IFT46: variants seen among roughly 807,000 people sequenced by gnomAD.
The protein encoded by IFT46 is intraflagellar transport protein 46 homolog.
Under a neutral mutation model 39.6 loss-of-function variants are expected in IFT46, and 19 were observed. The observed-to-expected ratio is 0.48, with a 90% confidence interval of 0.33 to 0.70. The LOEUF is 0.70. IFT46 is among the 30% of genes least tolerant of loss of function. The pLI is 0.01. For synonymous variants in IFT46, 117 were observed against 134.8 expected, an observed-to-expected ratio of 0.87 and a Z score of 0.91; for missense variants, 334 against 364.8, an observed-to-expected ratio of 0.92 and a Z score of 0.69.
Position 118,545,482 on chromosome 11 carries a change from A to T in IFT46, c.746T>A (p.Ile249Asn). Residue 249 changes from isoleucine (I) to asparagine (N), a missense_variant, in exon 11 of 12, where the codon ATC (isoleucine) becomes AAC (asparagine). Transcript: ENST00000264021. ...CTGGATCCGACTCTTGTAGACAGGGATGTCTAGAATGGCTGAAACGAAGAA... is the reference window on the plus strand; with the variant it reads ...CTGGATCCGACTCTTGTAGACAGGGTTGTCTAGAATGGCTGAAACGAAGAA... ...YIDMICAILD[I>N]PVYKSRIQSL... is the part of the protein sequence containing the mutation. 6.2e-7 allele frequency: 1 copy of T among 1,612,060 alleles called. No individual in the cohort carries two copies. The highest frequency in any genetic ancestry group is 8.5e-7 in the Non-Finnish European group (1 of 1,178,288).
At position 118,544,962 on chromosome 11, in the gene IFT46, T is replaced by C. The variant is rs376402259; in HGVS notation, c.869A>G (p.Asn290Ser). The C allele has an allele frequency of 6.1e-5, 98 of 1,613,770 alleles. No individual in the cohort carries two copies. Among genetic ancestry groups the C allele is most frequent in the Non-Finnish European group, 7.7e-5 (91 of 1,179,922 alleles). The change falls in exon 12 of 12, where the codon AAT becomes AGT. Residue 290 changes from asparagine to serine, a missense_variant. Physicochemically the swap from Asn to Ser is conservative, Grantham distance 46 (BLOSUM62 1). Coordinates refer to ENST00000264021, the MANE Select transcript of IFT46 (RefSeq NM_001168618.2). Reference protein sequence around the residue: ...EGKKAFTPSSNSTSQAGDMET... With the variant: ...EGKKAFTPSSSSTSQAGDMET... ...CATGTCTCCAGCTTGGGAGGTGGAATTGGATGAAGGAGTGAATGCTTTCTT... is the reference window on the plus strand; with the variant it reads ...CATGTCTCCAGCTTGGGAGGTGGAACTGGATGAAGGAGTGAATGCTTTCTT...
intron 3 of IFT46, 117 bp from the exon 4 acceptor site, chr11:118,557,162 A>G (rs1937869098): frequency 1.1e-6 from 1 of 943,878 alleles, no homozygotes; most frequent in Non-Finnish European, 1.5e-6. Flanking sequence ...GTCACCAGAA[A>G]GAGAAGGGGG....
At chr11:118,569,437 GT>G (rs1175201098), upstream of IFT46, among the ~76,000 whole-genome samples, 1 of 151,558 alleles carries the variant, frequency 6.6e-6, no homozygotes, top group African/African-American at 2.4e-5. Context: ...CTCTAAAAAA[GT>G]TTTTTTAATG....
upstream of IFT46, among the ~76,000 whole-genome samples, chr11:118,576,332 A>T (rs1176919711): frequency 6.7e-6 from 1 of 149,128 alleles, no homozygotes; most frequent in Non-Finnish European, 1.5e-5. Context: ...TGGAGAGATC[A>T]TCTAACTTAT....
In IFT46 at chr11:118,571,724, A is replaced by G. The variant is rs150490692; in HGVS notation, c.-133+872T>C. Among the ~76,000 whole-genome samples the G allele has an allele frequency of 9.2e-4, 139 of 151,900 alleles. 4 individuals carry two copies. The East Asian group carries it at 0.012, about 13-fold the overall frequency. ...TGCTCATTTTAATTTTGTGTTTTCT[A>G]CTCCCTCCATTTTGCAGATGAAGCC... On this transcript the variant is annotated intron_variant, in intron 1 of 5. Transcript: ENST00000528378.
upstream of IFT46, among the ~76,000 whole-genome samples, chr11:118,570,882 A>G (rs889488695): frequency 1.3e-5 from 2 of 152,134 alleles, no homozygotes; most frequent in Non-Finnish European, 2.9e-5. Context: ...AGTGGTTTTT[A>G]GTATATTTGC....
intron 1 of IFT46, among the ~76,000 whole-genome samples, chr11:118,571,964 C>A (rs1486973139): frequency 6.6e-6 from 1 of 151,852 alleles, no homozygotes; most frequent in Non-Finnish European, 1.5e-5. Flanking sequence ...GTGGCGCGTG[C>A]CTGTAATCCC....
rs987846410 is a variant in IFT46, at chr11:118,544,799, T to C, written c.*117A>G. 8.6e-5 allele frequency: 62 copies of C among 721,940 alleles called. No individual in the cohort carries two copies. The highest frequency in any genetic ancestry group is 1.4e-4 in the Non-Finnish European group (57 of 406,470). 44.7% of individuals were successfully genotyped at this position (721,940 alleles called of 1,614,324 possible). A position where few individuals can be genotyped will look rare whatever the true frequency, so the allele number is the denominator to read the frequency against. The stretch of plus-strand genomic sequence containing the variant: ...GCAGAGAGGGCAGCAGGACATGCAC[T>C]GCCCCTGAGCCAAGCTGTGGCATGG... On this transcript the variant is annotated 3_prime_UTR_variant, in exon 12 of 12. Transcript: ENST00000264021.
chr11:118,556,528 G>A (rs1402855855), intron 4 of IFT46, among the ~76,000 whole-genome samples: 1 of 152,072 alleles, frequency 6.6e-6, no homozygotes, highest in East Asian at 1.9e-4. Context: ...ACGAGGTCTT[G>A]CTATGTTGCC....
At position 118,551,985 on chromosome 11, in the gene IFT46, T is replaced by G. The variant is rs76970500; in HGVS notation, c.606-133A>C. On this transcript the variant is annotated intron_variant, in intron 8 of 11. Transcript: ENST00000264021. Reference sequence around the variant, plus strand: ...AGGAAGGCTTCAGGAGAACCTAGACTGGGCATACCAAAGTTACCCAGGGCC... The same window carrying G: ...AGGAAGGCTTCAGGAGAACCTAGACGGGGCATACCAAAGTTACCCAGGGCC... 2.8e-3 allele frequency: 2,937 copies of G among 1,038,426 alleles called. 50 individuals carry two copies. The African/African-American group carries it at 0.038, about 13-fold the overall frequency. 64.3% of individuals were successfully genotyped at this position (1,038,426 alleles called of 1,614,324 possible).
At chr11:118,568,018 T>A (rs1289125879), upstream of IFT46, among the ~76,000 whole-genome samples, 1 of 152,202 alleles carries the variant, frequency 6.6e-6, no homozygotes, top group African/African-American at 2.4e-5. Flanking sequence ...ATACTGCCAC[T>A]ATGGGACTCC....
At chr11:118,562,237 A>G (rs1249318834) in intron 2 of IFT46, among the ~76,000 whole-genome samples, 1 of 151,866 alleles carries the variant, frequency 6.6e-6, no homozygotes, top group Non-Finnish European at 1.5e-5. Context: ...AGATCACGCC[A>G]TTGCACTCCA....
chr11:118,569,862 T>C (rs1484878651), upstream of IFT46, among the ~76,000 whole-genome samples: 2 of 152,124 alleles, frequency 1.3e-5, no homozygotes, highest in Admixed American at 1.3e-4. Flanking sequence ...TGTGTTTTAA[T>C]GGAAAAAGCT....
chr11:118,576,405 G>T (rs1591380106), upstream of IFT46, among the ~76,000 whole-genome samples: 1 of 113,456 alleles, frequency 8.8e-6, no homozygotes. Context: ...TTTAGATCTG[G>T]AATGTTTTTT....
chr11:118,565,273 TGGCAG>T (rs547630470), intron 1 of IFT46, among the ~76,000 whole-genome samples: 12 of 152,024 alleles, frequency 7.9e-5, no homozygotes, highest in Non-Finnish European at 1.6e-4. Flanking sequence ...TAGGAACTGC[TGGCAG>T]GCTGGCTGAG....
upstream of IFT46, among the ~76,000 whole-genome samples, chr11:118,567,523 C>T (rs1386584582): frequency 6.6e-6 from 1 of 151,956 alleles, no homozygotes; most frequent in Non-Finnish European, 1.5e-5. Context: ...TTGTGGTGAG[C>T]CGAGATCGCA....
chr11:118,556,354 G>A (rs548409846), intron 4 of IFT46, among the ~76,000 whole-genome samples: 92 of 152,184 alleles, frequency 6.0e-4, no homozygotes, highest in African/African-American at 2.2e-3. Context: ...TTAGCTGGGC[G>A]TGGTGGCGGG....
upstream of IFT46, among the ~76,000 whole-genome samples, chr11:118,574,398 G>C (rs966609090): frequency 1.3e-5 from 2 of 151,868 alleles, no homozygotes; most frequent in Non-Finnish European, 2.9e-5. Flanking sequence ...GTTTATTTTA[G>C]CTCAACATTT....
chr11:118,570,494 C>T (rs1455585713), upstream of IFT46, among the ~76,000 whole-genome samples: 1 of 152,114 alleles, frequency 6.6e-6, no homozygotes, highest in Non-Finnish European at 1.5e-5. Context: ...TGTAAAGTAC[C>T]TGACACAAAT....
Sources: allele counts gnomAD v4.1 joint callset (sites outside exome capture counted in the v4.1 genomes callset), GRCh38; gene constraint gnomAD v4.1.1; transcripts MANE v1.5; gene names NCBI Gene and HGNC (gene_info 2026-07-23, HGNC 2026-07-21).